Variants in DSE observed in about 807,000 individuals in gnomAD.
The protein encoded by DSE is dermatan-sulfate epimerase.
DSE carries 36 observed loss-of-function variants against 84.4 expected under a neutral mutation model. That is an observed-to-expected ratio of 0.43 (90% confidence interval 0.33 to 0.56). DSE has a LOEUF of 0.56. Among genes scored for constraint, DSE ranks in the 20% least tolerant of loss-of-function variants. The probability of loss-of-function intolerance (pLI) is 0.06; values close to 1 mark genes in which losing one functional copy is unlikely to be tolerated. For synonymous variants in DSE, 410 were observed against 430.1 expected, an observed-to-expected ratio of 0.95 and a Z score of 0.58; for missense variants, 862 against 1,169.6, an observed-to-expected ratio of 0.74 and a Z score of 3.84.
chr6:116,383,549 C>T (rs974220690), intron 1 of DSE, among the ~76,000 whole-genome samples: 1 of 152,212 alleles, frequency 6.6e-6, no homozygotes, highest in Non-Finnish European at 1.5e-5. Context: ...TGAACTTGTG[C>T]ATGCACACAG....
chr6:116,347,471 C>G (rs201299027), intron 2 of DSE, among the ~76,000 whole-genome samples: 13 of 147,288 alleles, frequency 8.8e-5, no homozygotes, highest in South Asian at 2.2e-4. Flanking sequence ...CAGAACAGAG[C>G]CCTCAGAAAT....
intron 2 of DSE, among the ~76,000 whole-genome samples, chr6:116,284,717 T>G (rs898131464): frequency 7.6e-6 from 1 of 131,760 alleles, no homozygotes; most frequent in African/African-American, 2.9e-5. Context: ...CCCCACCCTG[T>G]GTCCAAGTGT....
At chr6:116,424,901 T>C (rs937151923) in intron 2 of DSE, among the ~76,000 whole-genome samples, 1 of 152,226 alleles carries the variant, frequency 6.6e-6, no homozygotes, top group Non-Finnish European at 1.5e-5. Context: ...AACTGAGGTC[T>C]ATGAGGTTTG....
chr6:116,263,229 A>G (rs1022904489), intron 2 of DSE, among the ~76,000 whole-genome samples: 7 of 152,142 alleles, frequency 4.6e-5, no homozygotes, highest in Non-Finnish European at 1.0e-4. Context: ...CCCGCTATTA[A>G]TGTGTAGGAG....
At chr6:116,300,136 AAG>A (rs1489846732) in intron 2 of DSE, among the ~76,000 whole-genome samples, 1 of 152,196 alleles carries the variant, frequency 6.6e-6, no homozygotes, top group Admixed American at 6.5e-5. Flanking sequence ...ATATTCCAGA[AAG>A]AGATTTTATT....
intron 1 of DSE, among the ~76,000 whole-genome samples, chr6:116,391,447 A>G (rs2114974471): frequency 6.6e-6 from 1 of 152,242 alleles, no homozygotes; most frequent in East Asian, 1.9e-4. Context: ...TTTAGGGAGC[A>G]AAAGTATTCT....
intron 2 of DSE, chr6:116,278,470 AGAAGGTG>A: frequency 6.2e-7 from 1 of 1,612,332 alleles, no homozygotes; most frequent in Non-Finnish European, 8.5e-7. Context: ...CAGGTCCAGC[AGAAGGTG>A]GTAGGAGACC....
At chr6:116,315,506 TGAAG>T (rs1025042440) in intron 2 of DSE, among the ~76,000 whole-genome samples, 2 of 152,094 alleles carry the variant, frequency 1.3e-5, no homozygotes, top group African/African-American at 4.8e-5. Context: ...GTTGAATGAA[TGAAG>T]TACATAGATT....
At chr6:116,269,518 A>C (rs533551640) in intron 2 of DSE, among the ~76,000 whole-genome samples, 1 of 152,306 alleles carries the variant, frequency 6.6e-6, no homozygotes, top group African/African-American at 2.4e-5. Flanking sequence ...AGAAGAGTTG[A>C]ATTGGACCAA....
intron 1 of DSE, among the ~76,000 whole-genome samples, chr6:116,372,674 A>G (rs1779674488): frequency 6.6e-6 from 1 of 152,214 alleles, no homozygotes; most frequent in African/African-American, 2.4e-5. Context: ...ATACAGATAT[A>G]AGTTCTTTTC....
At chr6:116,372,096 T>C (rs1418907144) in intron 1 of DSE, among the ~76,000 whole-genome samples, 3 of 152,246 alleles carry the variant, frequency 2.0e-5, no homozygotes, top group South Asian at 4.1e-4. Flanking sequence ...ATTAAATGCA[T>C]GAAAGATCTC....
intron 2 of DSE, among the ~76,000 whole-genome samples, chr6:116,289,740 T>A (rs73767717): frequency 0.013 from 1,927 of 152,180 alleles, 46 homozygotes; most frequent in African/African-American, 0.044. Context: ...ATATGAAAAG[T>A]TCATATTATG....
rs1340671291 is a variant in DSE, at chr6:116,387,069, T to C, written c.-53-12129T>C. On this transcript the variant is annotated intron_variant, in intron 1 of 5. Transcript: ENST00000644252. ...CATAAGTGAGGTTAGTAGTACTTTT[T>C]TTGTGGGGCGCTTCCCCTGAAAATC... 2.0e-5 allele frequency among the ~76,000 whole-genome samples: 3 copies of C among 152,342 alleles called. No individual in the cohort carries two copies. In the East Asian group the frequency reaches 5.8e-4, roughly 29 times the overall value.
chr6:116,407,868 T>C (rs941561938), intron 2 of DSE, among the ~76,000 whole-genome samples: 1 of 152,238 alleles, frequency 6.6e-6, no homozygotes, highest in African/African-American at 2.4e-5. Flanking sequence ...TTTTCACTGA[T>C]AGGTATTTAT....
chr6:116,365,428 T>C, upstream of DSE, among the ~76,000 whole-genome samples: 1 of 152,064 alleles, frequency 6.6e-6, no homozygotes, highest in Non-Finnish European at 1.5e-5. Context: ...TAATTTTTTG[T>C]ATATTTAGTA....
chr6:116,400,061 T>C (rs1219017847), intron 2 of DSE: 5 of 173,230 alleles, frequency 2.9e-5, no homozygotes, highest in Admixed American at 2.8e-4. Flanking sequence ...AATTAAGACT[T>C]ACTTGCATTT....
intron 2 of DSE, among the ~76,000 whole-genome samples, chr6:116,424,385 C>G (rs1000404183): frequency 6.6e-6 from 1 of 152,220 alleles, no homozygotes; most frequent in Non-Finnish European, 1.5e-5. Context: ...CTAAGAAACT[C>G]ATCAATCTTT....
intron 1 of DSE, among the ~76,000 whole-genome samples, chr6:116,372,449 C>T (rs1037276865): frequency 6.6e-6 from 1 of 152,192 alleles, no homozygotes; most frequent in Admixed American, 6.5e-5. Flanking sequence ...GCCTGGGCGA[C>T]AGGCTCAAAA....
Position 116,443,730 on chromosome 6 carries a change from C to CTTT in DSE, c.*6386_*6387insTTT, listed in dbSNP as rs1291649163. The CTTT allele has an allele frequency of 6.6e-6, 1 of 152,166 alleles. No homozygotes were observed. The highest frequency in any genetic ancestry group is 1.5e-5 in the Non-Finnish European group (1 of 68,014). 9.4% of individuals were successfully genotyped at this position (152,166 alleles called of 1,614,324 possible). A position where few individuals can be genotyped will look rare whatever the true frequency, so the allele number is the denominator to read the frequency against. The stretch of plus-strand genomic sequence containing the variant: ...GTAGAATTTCTTAAGAAAAGAGCTT[C>CTTT]TAAAAACATTCAGTCAGCCCAGCAC... On this transcript the variant is annotated 3_prime_UTR_variant, in exon 6 of 6. Transcript: ENST00000644252.
Sources: gnomAD v4.1 joint callset for allele counts (sites outside exome capture counted in the v4.1 genomes callset) on GRCh38, gnomAD v4.1.1 for gene constraint, MANE v1.5 for transcripts, NCBI Gene and HGNC (gene_info 2026-07-23, HGNC 2026-07-21) for gene names.